The following AP2S1 variants were observed in gnomAD, a reference collection of about 807,000 sequenced individuals.
The protein encoded by AP2S1 is AP-2 complex subunit sigma.
AP2S1 carries 6 observed loss-of-function variants against 21.0 expected under a neutral mutation model. That is an observed-to-expected ratio of 0.29 (90% confidence interval 0.16 to 0.56). The LOEUF (loss-of-function observed/expected upper bound fraction) is 0.56, where lower values mean the gene tolerates loss of function less well. Among genes scored for constraint, AP2S1 ranks in the 20% least tolerant of loss-of-function variants. The pLI is 0.92. For missense variants in AP2S1, 60 were observed against 186.2 expected, an observed-to-expected ratio of 0.32 and a Z score of 3.95; for synonymous variants, 63 against 74.6, an observed-to-expected ratio of 0.84 and a Z score of 0.80.
chr19:46,846,269 C>T (rs2055631986), intron 1 of AP2S1, 127 bp from the exon 2 acceptor site: 6 of 1,236,150 alleles, frequency 4.9e-6, no homozygotes, highest in Non-Finnish European at 5.6e-6. Context: ...TGCCTGACTT[C>T]CAGGGGTCTC....
rs1005230878 is a variant in AP2S1, at chr19:46,838,430, G to A, written c.*17C>T. The A allele has an allele frequency of 1.2e-6, 2 of 1,612,918 alleles. No individual in the cohort carries two copies. The highest frequency in any genetic ancestry group is 1.7e-6 in the Non-Finnish European group (2 of 1,179,080). On this transcript the variant is annotated 3_prime_UTR_variant, in exon 5 of 5. Transcript: ENST00000263270. This position sits in a 1 kb window ranked among gnomAD's most constrained non-coding sequence, Gnocchi z 4.1. ...GAGTCCAGGAGGGGCCGGGGCCGGGGTGGGGCTCGCCTGCCCTCACTCCAG... is the reference window on the plus strand; with the variant it reads ...GAGTCCAGGAGGGGCCGGGGCCGGGATGGGGCTCGCCTGCCCTCACTCCAG...
rs1599778990 is a variant in AP2S1 at position 46,850,565 on chromosome 19, G to A, written c.3+199C>T. Reference sequence around the variant, plus strand: ...CCACCCCCAATGCCCGTCGCCGCGAGACCCCTGGTAACCCCCGCGCGCAGA... The same window carrying A: ...CCACCCCCAATGCCCGTCGCCGCGAAACCCCTGGTAACCCCCGCGCGCAGA... On this transcript the variant is annotated intron_variant, in intron 1 of 4. Coordinates refer to ENST00000263270, the MANE Select transcript of AP2S1 (RefSeq NM_004069.6). 10 of 622,688 alleles carry A rather than the reference G, an allele frequency of 1.6e-5. No homozygotes were observed. In the East Asian group the frequency reaches 1.7e-4, roughly 11 times the overall value. The allele number at this position is 622,688 out of a possible 1,614,324, so 38.6% of individuals were successfully genotyped here.
At chr19:46,849,788 G>A (rs1404118063) in intron 1 of AP2S1, among the ~76,000 whole-genome samples, 1 of 151,850 alleles carries the variant, frequency 6.6e-6, no homozygotes, top group Non-Finnish European at 1.5e-5. Context: ...GCCTCAATGG[G>A]CTTTTTACTG....
At chr19:46,844,425 T>A (rs1367978938) in intron 2 of AP2S1, among the ~76,000 whole-genome samples, 1 of 152,186 alleles carries the variant, frequency 6.6e-6, no homozygotes, top group Admixed American at 6.6e-5. Context: ...AGACATTGGC[T>A]CCTTCCTCCC....
chr19:46,841,989 T>C (rs2122770895), intron 2 of AP2S1, among the ~76,000 whole-genome samples: 1 of 152,266 alleles, frequency 6.6e-6, no homozygotes, highest in Middle Eastern at 3.4e-3. Context: ...AAGAGCAGTT[T>C]AGGCAACATA....
chr19:46,838,416 G>T lies in AP2S1; in HGVS notation c.*31C>A. 1.2e-6 allele frequency: 2 copies of T among 1,606,008 alleles called. No individual in the cohort carries two copies. Among genetic ancestry groups the T allele is most frequent in the Non-Finnish European group, 1.7e-6 (2 of 1,173,284 alleles). On this transcript the variant is annotated 3_prime_UTR_variant, in exon 5 of 5. Coordinates refer to ENST00000263270, the MANE Select transcript of AP2S1 (RefSeq NM_004069.6). This position sits in a 1 kb window ranked among gnomAD's most constrained non-coding sequence, Gnocchi z 4.1. The stretch of plus-strand genomic sequence containing the variant: ...GGAAGCGAGCAGGCGAGTCCAGGAG[G>T]GGCCGGGGCCGGGGTGGGGCTCGCC...
chr19:46,839,726 C>A, intron 2 of AP2S1, 148 bp from the exon 3 acceptor site: 1 of 1,335,434 alleles, frequency 7.5e-7, no homozygotes. Context: ...ACAGCAGTGA[C>A]CGAGACAGCC....
At position 46,846,957 on chromosome 19, in the gene AP2S1, G is replaced by C. The variant is rs770567915; in HGVS notation, c.4-815C>G. Among the ~76,000 whole-genome samples, 17 of 152,098 alleles carry C rather than the reference G, an allele frequency of 1.1e-4. 1 individual carries two copies. The highest frequency in any genetic ancestry group is 2.2e-4 in the Non-Finnish European group (15 of 68,012). Reference sequence around the variant, plus strand: ...TGGGGTTATAGGCATGGGCCACCACGCCCAGTCAGCCAGGGTTTTTTTAAA... The same window carrying C: ...TGGGGTTATAGGCATGGGCCACCACCCCCAGTCAGCCAGGGTTTTTTTAAA... On this transcript the variant is annotated intron_variant, in intron 1 of 4. Coordinates refer to ENST00000263270, the MANE Select transcript of AP2S1 (RefSeq NM_004069.6).
rs2055446255 is a variant in AP2S1 at position 46,838,256 on chromosome 19, G to A, written c.*191C>T. 4 of 603,382 alleles carry A rather than the reference G, an allele frequency of 6.6e-6. No individual in the cohort carries two copies. Among genetic ancestry groups the A allele is most frequent in the African/African-American group, 3.7e-5 (2 of 53,896 alleles). The allele number at this position is 603,382 out of a possible 1,614,324, so 37.4% of individuals were successfully genotyped here. On this transcript the variant is annotated 3_prime_UTR_variant, in exon 5 of 5. Coordinates refer to ENST00000263270, the MANE Select transcript of AP2S1 (RefSeq NM_004069.6). The surrounding 1 kb of genome is among the most constrained non-coding windows in gnomAD (Gnocchi z 4.1). The stretch of plus-strand genomic sequence containing the variant: ...CGGCACGGTTACTCGGGACACACAC[G>A]GTGGCCTCTGCCCACAGCCAGGGCC...
In AP2S1 at chr19:46,846,814, C is replaced by T. The variant is rs184366252; in HGVS notation, c.4-672G>A. 2.2e-4 allele frequency among the ~76,000 whole-genome samples: 33 copies of T among 152,172 alleles called. 2 individuals are homozygous for T. Among genetic ancestry groups the T allele is most frequent in the Admixed American group, 1.3e-4 (2 of 15,278 alleles). On this transcript the variant is annotated intron_variant, in intron 1 of 4. Coordinates refer to ENST00000263270, the MANE Select transcript of AP2S1 (RefSeq NM_004069.6). Reference sequence around the variant, plus strand: ...CTGAGTAGCTGGGACTACAGGCACCCGCCACCACGCCTGGAAAATGTTTGT... The same window carrying T: ...CTGAGTAGCTGGGACTACAGGCACCTGCCACCACGCCTGGAAAATGTTTGT...
chr19:46,840,431 AG>A, intron 2 of AP2S1, among the ~76,000 whole-genome samples: 1 of 151,302 alleles, frequency 6.6e-6, no homozygotes, highest in East Asian at 1.9e-4. Context: ...ACTTGAGCCC[AG>A]GAGTTTCAGG....
At chr19:46,849,024 T>G (rs1473517172) in intron 1 of AP2S1, among the ~76,000 whole-genome samples, 1 of 141,474 alleles carries the variant, frequency 7.1e-6, no homozygotes, top group African/African-American at 2.7e-5. Context: ...TTTTTTTTTT[T>G]TTTTTTGAGA....
At chr19:46,840,520 GT>G (rs2055499458) in intron 2 of AP2S1, among the ~76,000 whole-genome samples, 1 of 151,780 alleles carries the variant, frequency 6.6e-6, no homozygotes, top group South Asian at 2.1e-4. Context: ...TGTACCTGTG[GT>G]CCCAGCTACT....
chr19:46,844,428 T>A (rs926354484), intron 2 of AP2S1, among the ~76,000 whole-genome samples: 6 of 152,190 alleles, frequency 3.9e-5, no homozygotes, highest in South Asian at 4.1e-4. Context: ...CATTGGCTCC[T>A]TCCTCCCCGT....
chr19:46,841,402 C>T (rs1382382515), intron 2 of AP2S1, among the ~76,000 whole-genome samples: 1 of 152,188 alleles, frequency 6.6e-6, no homozygotes, highest in Non-Finnish European at 1.5e-5. Context: ...TTCCAGCCTC[C>T]CTTCCTGTTT....
At chr19:46,843,450 G>A (rs2122777913) in intron 2 of AP2S1, among the ~76,000 whole-genome samples, 1 of 152,292 alleles carries the variant, frequency 6.6e-6, no homozygotes, top group Non-Finnish European at 1.5e-5. Flanking sequence ...AGCCAGGCGT[G>A]GTCACTCATG....
At chr19:46,850,729 C>G (rs775721330) in intron 1 of AP2S1, 35 bp downstream of exon 1, 1 of 1,533,426 alleles carries the variant, frequency 6.5e-7, no homozygotes, top group East Asian at 2.3e-5. Context: ...TGGGCCCCCC[C>G]TCCGCCAGTC....
At chr19:46,847,218 T>TTG (rs2055651643) in intron 1 of AP2S1, among the ~76,000 whole-genome samples, 1 of 152,108 alleles carries the variant, frequency 6.6e-6, no homozygotes, top group Non-Finnish European at 1.5e-5. Context: ...ATATTCACAG[T>TTG]TGTGTAAAAA....
intron 1 of AP2S1, among the ~76,000 whole-genome samples, chr19:46,848,613 A>G (rs1292660628): frequency 6.6e-5 from 10 of 152,238 alleles, no homozygotes; most frequent in Admixed American, 6.5e-4. Context: ...TCTCACAGCC[A>G]GAAAGCAGAG....
Sources: gnomAD v4.1 joint callset for allele counts (sites outside exome capture counted in the v4.1 genomes callset) on GRCh38, gnomAD v4.1.1 for gene constraint, Gnocchi (gnomAD v3.1) non-coding constraint, MANE v1.5 for transcripts, NCBI Gene and HGNC (gene_info 2026-07-23, HGNC 2026-07-21) for gene names.